GUSB: variants seen among roughly 807,000 people sequenced by gnomAD.
GUSB encodes beta-glucuronidase.
GUSB carries 51 observed loss-of-function variants against 74.6 expected under a neutral mutation model. The observed-to-expected ratio is 0.68, with a 90% CI of 0.55 to 0.86. GUSB has a LOEUF of 0.86. Ranked by LOEUF, GUSB falls within the 40% of genes least tolerant of loss-of-function variation. GUSB has a pLI of 0.00. For synonymous variants in GUSB, 360 were observed against 348.3 expected (o/e 1.03, Z -0.37); for missense variants, 736 against 853.7 (o/e 0.86, Z 1.72).
chr7:65,975,116 G>GC (rs1212298540), intron 5 of GUSB, 45 bp from the exon 6 acceptor site: 32 of 1,588,910 alleles, frequency 2.0e-5, no homozygotes, highest in Non-Finnish European at 2.7e-5. Flanking sequence ...GACAGCCTGA[G>GC]CCCCATCCGG....
At chr7:65,972,434 G>C (rs1791276793) in intron 8 of GUSB, among the ~76,000 whole-genome samples, 1 of 152,174 alleles carries the variant, frequency 6.6e-6, no homozygotes. Flanking sequence ...AAAGTGCTGG[G>C]ATTACAGGCG....
chr7:65,976,489 C>A (rs371866379), intron 4 of GUSB, among the ~76,000 whole-genome samples: 1 of 151,928 alleles, frequency 6.6e-6, no homozygotes, highest in Non-Finnish European at 1.5e-5. Context: ...CCATGCTTGG[C>A]GAATTTTTAT....
At chr7:65,976,910 G>A (rs1791617787) in intron 4 of GUSB, among the ~76,000 whole-genome samples, 1 of 151,920 alleles carries the variant, frequency 6.6e-6, no homozygotes, top group African/African-American at 2.4e-5. Context: ...GGCAGGATAG[G>A]TAGTCAAGGA....
Position 65,981,937 on chromosome 7 carries a change from C to A in GUSB, c.210+37G>T, listed in dbSNP as rs1381543772. 4 of 1,566,502 alleles carry A rather than the reference C, an allele frequency of 2.6e-6. No homozygotes were observed. The South Asian group carries it at 3.4e-5, about 13-fold the overall frequency. ...GGGCTCCCCTACTCCCACCGCCGGG[C>A]TTTCGGGCGCCTCCCGGCCCTGCCC... On this transcript the variant is annotated intron_variant, in intron 1 of 11. Transcript: ENST00000304895.
At chr7:65,976,790 G>A (rs1040488729) in intron 4 of GUSB, among the ~76,000 whole-genome samples, 2 of 151,808 alleles carry the variant, frequency 1.3e-5, no homozygotes, top group East Asian at 2.0e-4. Context: ...ACAATCAGCC[G>A]GTCGTGGTGG....
Position 65,982,061 on chromosome 7 carries a change from C to T in GUSB, c.123G>A (p.Leu41=), listed in dbSNP as rs1331097749. 6.2e-7 allele frequency: 1 copy of T among 1,610,088 alleles called. No homozygotes were observed. Among genetic ancestry groups the T allele is most frequent in the Non-Finnish European group, 8.5e-7 (1 of 1,178,974 alleles). ...QESPSRECKE[L]DGLWSFRADF... ...CGGCGCGGAAGCTCCAGAGGCCGTCCAGCTCCTTGCACTCCCGCGACGGGC... is the reference window on the plus strand; with the variant it reads ...CGGCGCGGAAGCTCCAGAGGCCGTCTAGCTCCTTGCACTCCCGCGACGGGC... The change falls in exon 1 of 12, where the codon CTG becomes CTA. Residue 41 remains leucine (L), a synonymous_variant. Coordinates refer to ENST00000304895, the MANE Select transcript of GUSB (RefSeq NM_000181.4).
At position 65,982,096 on chromosome 7, in the gene GUSB, G is replaced by T. The variant is rs747792546; in HGVS notation, c.88C>A (p.Pro30Thr). ...ALGLQGGMLY[P>T]QESPSRECKE... ...CACTCCCGCGACGGGCTCTCCTGGG[G>T]GTACAGCATCCCGCCCTGCAGCCCC... Residue 30 changes from proline (P) to threonine (T), a missense_variant, in exon 1 of 12, where the codon CCC (proline) becomes ACC (threonine). Transcript: ENST00000304895. 6.3e-7 allele frequency: 1 copy of T among 1,599,860 alleles called. No individual in the cohort carries two copies.
At position 65,967,899 on chromosome 7, in the gene GUSB, A is replaced by G. The variant is rs1333588701; in HGVS notation, c.1485T>C (p.Tyr495=). ...AGCTGTTCAAACAGATCACATCCAC[A>G]TACGGAGCCTAGGACCAGAGCAGCA... ...SNYAADKGAP[Y]VDVICLNSYY... is the part of the protein sequence containing the mutation. Residue 495 remains tyrosine (Y), a synonymous_variant, in exon 10 of 12, where the codon TAT becomes TAC. Transcript: ENST00000304895. The G allele has an allele frequency of 3.7e-6, 6 of 1,600,372 alleles. No individual in the cohort carries two copies. In the Admixed American group the frequency reaches 8.3e-5, roughly 22 times the overall value.
chr7:65,981,438 T>C (rs758323641), intron 1 of GUSB, among the ~76,000 whole-genome samples: 1 of 152,002 alleles, frequency 6.6e-6, no homozygotes, highest in Non-Finnish European at 1.5e-5. Flanking sequence ...CACCCTGTTA[T>C]GTTGGCCAGC....
rs768375219 is a variant in GUSB, at chr7:65,970,914, GA to G, written c.1392-549del. 5.3e-3 allele frequency among the ~76,000 whole-genome samples: 736 copies of G among 139,568 alleles called. 2 individuals are homozygous for G. Among genetic ancestry groups the G allele is most frequent in the Middle Eastern group, 0.011 (3 of 282 alleles). 91.6% of individuals were successfully genotyped at this position (139,568 alleles called of 152,430 possible). A position where few individuals can be genotyped will look rare whatever the true frequency, so the allele number is the denominator to read the frequency against. ...AAAACAAACAAACAAAAACAAAGGG[GA>G]AAAAAAAAAAAGCATGGAGCCGCTG... is the stretch of plus-strand genomic sequence containing the variant. On this transcript the variant is annotated intron_variant, in intron 8 of 11. Coordinates refer to ENST00000304895, the MANE Select transcript of GUSB (RefSeq NM_000181.4).
chr7:65,968,159 A>C (rs553913846), intron 9 of GUSB, among the ~76,000 whole-genome samples: 31 of 151,142 alleles, frequency 2.1e-4, no homozygotes, highest in African/African-American at 6.8e-4. Flanking sequence ...TTGGGAGGCC[A>C]AGATGGGAGG....
rs757357472 is a variant in GUSB at position 65,982,175 on chromosome 7, C to A, written c.9G>T (p.Arg3=). 6.6e-6 allele frequency: 10 copies of A among 1,513,290 alleles called. No homozygotes were observed. The South Asian group carries it at 9.7e-5, about 15-fold the overall frequency. The allele number at this position is 1,513,290 out of a possible 1,614,324, so 93.7% of individuals were successfully genotyped here. A position where few individuals can be genotyped will look rare whatever the true frequency, so the allele number is the denominator to read the frequency against. The change falls in exon 1 of 12, where the codon CGG becomes CGT. Residue 3 remains arginine (R), a synonymous_variant. Transcript: ENST00000304895. MA[R]GSAVAWAALG... ...GCGCCGCCCAGGCAACCGCCGACCC[C>A]CGGGCCATGCTTCCCGGTCCCCCGC...
At chr7:65,966,467 G>T (rs960803554) in intron 10 of GUSB, among the ~76,000 whole-genome samples, 3 of 151,966 alleles carry the variant, frequency 2.0e-5, no homozygotes, top group Admixed American at 1.3e-4. Context: ...CATATCTTTG[G>T]TGAGGAGGAC....
At chr7:65,964,573 T>C (rs965317741) in intron 10 of GUSB, 115 bp from the exon 11 acceptor site, 30 of 904,534 alleles carry the variant, frequency 3.3e-5, no homozygotes, top group African/African-American at 3.3e-4. Flanking sequence ...CAGGGGGCTA[T>C]AGTGACTGCA....
chr7:65,965,610 G>T (rs1790782835), intron 10 of GUSB, among the ~76,000 whole-genome samples: 1 of 152,084 alleles, frequency 6.6e-6, no homozygotes, highest in African/African-American at 2.4e-5. Flanking sequence ...GCTGAATGCA[G>T]CCTTGACCTA....
At chr7:65,978,241 G>A (rs1791724731) in intron 4 of GUSB, among the ~76,000 whole-genome samples, 1 of 152,152 alleles carries the variant, frequency 6.6e-6, no homozygotes, top group Non-Finnish European at 1.5e-5. Flanking sequence ...CCCGAAGTCA[G>A]GAGTTGAACC....
intron 4 of GUSB, among the ~76,000 whole-genome samples, chr7:65,977,874 A>ATG (rs1791692705): frequency 6.6e-6 from 1 of 151,982 alleles, no homozygotes; most frequent in Non-Finnish European, 1.5e-5. Context: ...GCAGTGATGC[A>ATG]ATCTCAGCTC....
At position 65,979,879 on chromosome 7, in the gene GUSB, C is replaced by G. The variant is rs375740757; in HGVS notation, c.429G>C (p.Glu143Asp). 6.2e-6 allele frequency: 10 copies of G among 1,611,290 alleles called. No homozygotes were observed. The highest frequency in any genetic ancestry group is 5.5e-5 in the South Asian group (5 of 90,948). The change falls in exon 3 of 12, where the codon GAG becomes GAC. Residue 143 changes from glutamate to aspartate, a missense_variant. Transcript: ENST00000304895. ...WVNGVDTLEH[E>D]GGYLPFEADI... Reference sequence around the variant, plus strand: ...CGGCCTCGAAGGGGAGGTAGCCCCCCTCATGCTCTAGCGTGTCGACCCCAT... The same window carrying G: ...CGGCCTCGAAGGGGAGGTAGCCCCCGTCATGCTCTAGCGTGTCGACCCCAT...
chr7:65,977,232 A>G (rs551166640), intron 4 of GUSB, among the ~76,000 whole-genome samples: 3 of 152,202 alleles, frequency 2.0e-5, no homozygotes, highest in African/African-American at 7.2e-5. Context: ...GCTGGAGTGC[A>G]GTGTTGCAAT....
Sources: gnomAD v4.1 joint callset for allele counts (sites outside exome capture counted in the v4.1 genomes callset) on GRCh38, gnomAD v4.1.1 for gene constraint, MANE v1.5 for transcripts, NCBI Gene and HGNC (gene_info 2026-07-23, HGNC 2026-07-21) for gene names.